The following C3orf49 variants were observed in gnomAD, a reference collection of about 807,000 sequenced individuals.
C3orf49 encodes the protein chromosome 3 open reading frame 49.
A neutral mutation model predicts 13.3 loss-of-function variants in C3orf49; 27 were observed. The ratio of observed to expected loss-of-function variants is 2.02; its 90% confidence interval spans 1.49 to 2.79. The LOEUF (loss-of-function observed/expected upper bound fraction) is 2.79. C3orf49 is among the 30% of genes most tolerant of loss of function. The probability of loss-of-function intolerance (pLI) is 0.00; values close to 1 mark genes in which losing one functional copy is unlikely to be tolerated. For synonymous variants in C3orf49, 87 were observed against 47.6 expected (o/e 1.83, Z -3.40); for missense variants, 242 against 134.2 (o/e 1.80, Z -3.97).
intron 1 of C3orf49, 60 bp downstream of exon 1, chr3:63,819,656 A>G (rs1701370121): frequency 2.9e-6 from 2 of 699,462 alleles, no homozygotes; most frequent in Admixed American, 2.0e-5. Flanking sequence ...GCATAGTGGC[A>G]TGTCCTTTTA....
At chr3:63,816,697 C>T (rs2107087097), upstream of C3orf49, among the ~76,000 whole-genome samples, 1 of 151,990 alleles carries the variant, frequency 6.6e-6, no homozygotes, top group Middle Eastern at 3.4e-3. Context: ...TTGGTCCTCC[C>T]TCCAGCTTAT....
intron 2 of C3orf49, 28 bp from the exon 3 acceptor site, chr3:63,827,573 C>T: frequency 1.4e-6 from 1 of 698,692 alleles, no homozygotes; most frequent in African/African-American, 1.7e-5. Flanking sequence ...GTGATCCTTA[C>T]AGATTCCTTT....
intron 3 of C3orf49, among the ~76,000 whole-genome samples, chr3:63,828,437 C>A (rs1384756080): frequency 6.6e-6 from 1 of 152,144 alleles, no homozygotes; most frequent in Non-Finnish European, 1.5e-5. Flanking sequence ...CTAGCTGGGA[C>A]TACAGGCGTG....
chr3:63,814,899 C>T (rs1216237962), upstream of C3orf49, among the ~76,000 whole-genome samples: 1 of 152,200 alleles, frequency 6.6e-6, no homozygotes, highest in East Asian at 1.9e-4. Context: ...TTAATTGACT[C>T]ATGGTTCTGC....
chr3:63,795,881 C>T, the C3orf49 span, among the ~76,000 whole-genome samples: 1 of 152,070 alleles, frequency 6.6e-6, no homozygotes, highest in East Asian at 1.9e-4. Flanking sequence ...CCATTATATC[C>T]CACACCCAAT....
At chr3:63,807,875 A>G in the C3orf49 span, among the ~76,000 whole-genome samples, 65 of 148,518 alleles carry the variant, frequency 4.4e-4, no homozygotes, top group African/African-American at 9.3e-4. Flanking sequence ...AAAAAAAAAA[A>G]AAAGAAAGAA....
chr3:63,801,928 G>C, the C3orf49 span, among the ~76,000 whole-genome samples: 1 of 152,152 alleles, frequency 6.6e-6, no homozygotes, highest in African/African-American at 2.4e-5. Context: ...ATGGTATCAG[G>C]CTTCCCATTC....
At chr3:63,815,518 C>G (rs1340629681), upstream of C3orf49, among the ~76,000 whole-genome samples, 1 of 152,200 alleles carries the variant, frequency 6.6e-6, no homozygotes, top group East Asian at 1.9e-4. Context: ...CACCACATTG[C>G]TCTTCTTCCT....
At chr3:63,790,739 G>C in the C3orf49 span, among the ~76,000 whole-genome samples, 3 of 151,776 alleles carry the variant, frequency 2.0e-5, no homozygotes, top group African/African-American at 7.3e-5. Flanking sequence ...CACTTGGTTT[G>C]TATAGGTTCT....
chr3:63,785,960 C>T, the C3orf49 span: 5 of 152,180 alleles, frequency 3.3e-5, no homozygotes, highest in East Asian at 9.6e-4. Flanking sequence ...AAATGAAAAC[C>T]CAGTAGTAGT....
chr3:63,788,891 G>A, the C3orf49 span, among the ~76,000 whole-genome samples: 21 of 152,286 alleles, frequency 1.4e-4, no homozygotes, highest in South Asian at 4.2e-3. Flanking sequence ...GATCGACCCA[G>A]AGTAACATTT....
chr3:63,829,083 G>A (rs1414130341), intron 3 of C3orf49, among the ~76,000 whole-genome samples: 1 of 152,212 alleles, frequency 6.6e-6, no homozygotes, highest in Non-Finnish European at 1.5e-5. Context: ...CATCTTCACA[G>A]AAAGTTCCAC....
At chr3:63,800,427 C>T in the C3orf49 span, among the ~76,000 whole-genome samples, 1 of 152,100 alleles carries the variant, frequency 6.6e-6, no homozygotes, top group Middle Eastern at 3.2e-3. Context: ...AGGCATTGCG[C>T]TTGCTCAGCA....
chr3:63,800,790 GCCAGTGGAA>G, the C3orf49 span, among the ~76,000 whole-genome samples: 5 of 152,170 alleles, frequency 3.3e-5, no homozygotes, highest in South Asian at 1.0e-3. Flanking sequence ...TTGCAAATTT[GCCAGTGGAA>G]TCCCTTTTCC....
the C3orf49 span, among the ~76,000 whole-genome samples, chr3:63,785,054 CTCTTCT>C: frequency 2.0e-3 from 276 of 135,444 alleles, 2 homozygotes; most frequent in Middle Eastern, 0.012. Context: ...CACTGGACTT[CTCTTCT>C]TCTTCTTTTT....
At chr3:63,802,848 A>C in the C3orf49 span, among the ~76,000 whole-genome samples, 3 of 152,208 alleles carry the variant, frequency 2.0e-5, no homozygotes, top group East Asian at 5.8e-4. Context: ...ATCAGTGCTT[A>C]GAGCAGCTGT....
At chr3:63,834,443 T>G (rs952631747) in intron 5 of C3orf49, among the ~76,000 whole-genome samples, 6 of 151,898 alleles carry the variant, frequency 4.0e-5, no homozygotes, top group Middle Eastern at 3.4e-3. Context: ...GTGGATCACC[T>G]GAGGTCAGGA....
At chr3:63,834,324 G>C in intron 5 of C3orf49, 1 of 848,742 alleles carries the variant, frequency 1.2e-6, no homozygotes, top group Non-Finnish European at 1.8e-6. Context: ...GCTACTAGTT[G>C]AATCAAACTT....
the C3orf49 span, among the ~76,000 whole-genome samples, chr3:63,791,855 A>C: frequency 6.6e-6 from 1 of 152,172 alleles, no homozygotes; most frequent in African/African-American, 2.4e-5. Context: ...GAACATCAGG[A>C]CTTTTTTGTT....
Sources: gnomAD v4.1 joint callset for allele counts (sites outside exome capture counted in the v4.1 genomes callset) on GRCh38, gnomAD v4.1.1 for gene constraint, MANE v1.5 for transcripts, NCBI Gene and HGNC (gene_info 2026-07-23, HGNC 2026-07-21) for gene names.